CNTN5: variants seen among roughly 807,000 people sequenced by gnomAD.
The protein encoded by CNTN5 is contactin 5, also known as contactin-5.
A neutral mutation model predicts 129.1 loss-of-function variants in CNTN5; 77 were observed. The observed-to-expected ratio is 0.60, with a 90% confidence interval of 0.50 to 0.72. The LOEUF is 0.72. Among genes scored for constraint, CNTN5 ranks in the 30% least tolerant of loss-of-function variants. The pLI is 0.00. For synonymous variants in CNTN5, 509 were observed against 465.6 expected, an observed-to-expected ratio of 1.09 and a Z score of -1.20; for missense variants, 1,478 against 1,328.8, an observed-to-expected ratio of 1.11 and a Z score of -1.75.
chr11:99,100,733 C>T (rs1380355201), intron 1 of CNTN5, among the ~76,000 whole-genome samples: 1 of 151,858 alleles, frequency 6.6e-6, no homozygotes, highest in African/African-American at 2.4e-5. Context: ...AAAATATATT[C>T]AAATAAAATT....
intron 1 of CNTN5, among the ~76,000 whole-genome samples, chr11:99,062,249 G>A (rs1404715212): frequency 1.3e-5 from 2 of 152,158 alleles, no homozygotes; most frequent in African/African-American, 4.8e-5. Context: ...CAATGTTGGA[G>A]CACAACAGGC....
chr11:99,961,118 T>A (rs985300147), intron 8 of CNTN5, among the ~76,000 whole-genome samples: 68 of 146,290 alleles, frequency 4.6e-4, no homozygotes, highest in African/African-American at 1.7e-3. Context: ...GACAGGAGAA[T>A]CTCTGGAACC....
Position 100,356,130 on chromosome 11 carries a change from A to C in CNTN5, c.3213A>C (p.Thr1071=), listed in dbSNP as rs1472773756. The C allele has an allele frequency of 6.2e-7, 1 of 1,608,476 alleles. No individual in the cohort carries two copies. The highest frequency in any genetic ancestry group is 8.5e-7 in the Non-Finnish European group (1 of 1,176,780). ...RVPSYSGGKI[T]SAQSTLHSLS... ...CTTTTTTCACAGGTGGAAAAATCAC[A>C]AGTGCACAGTCGACCCTTCACTCTC... Residue 1071 remains threonine (T), a synonymous_variant, in exon 25 of 25, where the codon ACA becomes ACC. Transcript: ENST00000524871.
intron 6 of CNTN5, among the ~76,000 whole-genome samples, chr11:99,890,665 C>G (rs1949036089): frequency 2.6e-5 from 4 of 152,116 alleles, no homozygotes; most frequent in Admixed American, 2.6e-4. Context: ...TGAAGATACT[C>G]CGCCCTCATG....
chr11:99,233,940 C>T (rs1425846443), intron 1 of CNTN5, among the ~76,000 whole-genome samples: 1 of 148,110 alleles, frequency 6.8e-6, no homozygotes, highest in East Asian at 1.9e-4. Context: ...AGCTAGACTC[C>T]ATCTCAAATA....
At chr11:99,451,765 T>C (rs1267622929) in intron 2 of CNTN5, among the ~76,000 whole-genome samples, 2 of 152,174 alleles carry the variant, frequency 1.3e-5, no homozygotes, top group Admixed American at 1.3e-4. Flanking sequence ...ATACACACTT[T>C]CTTTTTATTG....
chr11:99,381,167 A>G (rs935826196), intron 2 of CNTN5, among the ~76,000 whole-genome samples: 11 of 152,310 alleles, frequency 7.2e-5, no homozygotes, highest in South Asian at 6.2e-4. Context: ...AGGGAAAAAA[A>G]AAACAAACCA....
chr11:100,353,398 C>T (rs1952457999), intron 24 of CNTN5, among the ~76,000 whole-genome samples: 1 of 151,586 alleles, frequency 6.6e-6, no homozygotes, highest in African/African-American at 2.4e-5. Flanking sequence ...TCTAATGTTG[C>T]TCTTTCTGTT....
chr11:100,346,953 TCC>T (rs1318043061), intron 23 of CNTN5, among the ~76,000 whole-genome samples: 4 of 151,942 alleles, frequency 2.6e-5, no homozygotes, highest in Non-Finnish European at 4.4e-5. Context: ...GCAGGGAAAC[TCC>T]CCTTTATAAA....
chr11:100,350,863 A>T lies in CNTN5; in HGVS notation c.3192A>T (p.Ser1064=), dbSNP rs761707432. The T allele has an allele frequency of 8.3e-6, 13 of 1,567,638 alleles. No individual in the cohort carries two copies. Among genetic ancestry groups the T allele is most frequent in the Non-Finnish European group, 9.5e-6 (11 of 1,152,392 alleles). ...CTAGTTCTCAAATTAGGGTACCATCATATTCAGGTAAGTTTTGACACAGTA... is the reference window on the plus strand; with the variant it reads ...CTAGTTCTCAAATTAGGGTACCATCTTATTCAGGTAAGTTTTGACACAGTA... ...GTASSQIRVP[S]YSGGKITSAQ... Residue 1064 remains serine, a synonymous_variant, in exon 24 of 25, where the codon TCA becomes TCT. Transcript: ENST00000524871.
rs547455848 is a variant in CNTN5 at position 99,331,542 on chromosome 11, A to G, written c.-71+6058A>G. ...GTGGAAAATAAATGAAAAAGAAAAC[A>G]CAATTGTGACAAAACACCTTGGTGC... On this transcript the variant is annotated intron_variant, in intron 2 of 24. Transcript: ENST00000524871. Among the ~76,000 whole-genome samples the G allele has an allele frequency of 2.1e-4, 32 of 152,178 alleles. No individual in the cohort carries two copies. The South Asian group carries it at 3.9e-3, about 19-fold the overall frequency.
intron 8 of CNTN5, among the ~76,000 whole-genome samples, chr11:99,969,146 GAT>G (rs1444671171): frequency 6.6e-6 from 1 of 151,988 alleles, no homozygotes; most frequent in African/African-American, 2.4e-5. Context: ...TTTTTTATCA[GAT>G]AAAACAGTGT....
chr11:99,396,141 T>C (rs1163627823), intron 2 of CNTN5, among the ~76,000 whole-genome samples: 3 of 151,330 alleles, frequency 2.0e-5, no homozygotes, highest in Non-Finnish European at 3.0e-5. Context: ...AGTATGGCCA[T>C]TTTTTAATGA....
intron 6 of CNTN5, among the ~76,000 whole-genome samples, chr11:99,915,638 G>A (rs546751870): frequency 9.2e-5 from 14 of 152,274 alleles, no homozygotes; most frequent in African/African-American, 3.4e-4. Flanking sequence ...ATCATTCTTA[G>A]CCTGACATAT....
intron 9 of CNTN5, among the ~76,000 whole-genome samples, chr11:100,024,162 A>T (rs920748909): frequency 9.2e-5 from 14 of 152,146 alleles, no homozygotes; most frequent in African/African-American, 1.4e-4. Flanking sequence ...AGTTTCCTTC[A>T]TGCTGTTCTC....
At chr11:99,436,075 A>C (rs767218954) in intron 2 of CNTN5, among the ~76,000 whole-genome samples, 1 of 152,144 alleles carries the variant, frequency 6.6e-6, no homozygotes, top group Non-Finnish European at 1.5e-5. Context: ...CTCATATTAC[A>C]ACGCTACCAA....
chr11:100,271,354 C>A (rs1026984468), intron 18 of CNTN5, 113 bp downstream of exon 18: 3 of 591,062 alleles, frequency 5.1e-6, no homozygotes, highest in Non-Finnish European at 8.1e-6. Flanking sequence ...TGTCCTGATT[C>A]ATTTACCTAA....
chr11:99,675,004 C>G (rs1953210618), intron 3 of CNTN5, among the ~76,000 whole-genome samples: 1 of 134,848 alleles, frequency 7.4e-6, no homozygotes, highest in African/African-American at 2.6e-5. Flanking sequence ...TATTAGGAGG[C>G]ATTTTTCTGG....
chr11:99,862,323 T>G (rs966051946), intron 6 of CNTN5, among the ~76,000 whole-genome samples: 1 of 151,092 alleles, frequency 6.6e-6, no homozygotes, highest in African/African-American at 2.4e-5. Flanking sequence ...ATTGAAACTC[T>G]TCGGCCACAA....
Sources: gnomAD v4.1 joint callset for allele counts (sites outside exome capture counted in the v4.1 genomes callset) on GRCh38, gnomAD v4.1.1 for gene constraint, MANE v1.5 for transcripts, NCBI Gene and HGNC (gene_info 2026-07-23, HGNC 2026-07-21) for gene names.